The following NFATC1 variants were observed in gnomAD, a reference collection of about 807,000 sequenced individuals.
NFATC1 encodes the protein nuclear factor of activated T cells 1.
In NFATC1, 22 loss-of-function variants were observed where a neutral mutation model predicts 76.0. The ratio of observed to expected loss-of-function variants is 0.29; its 90% CI spans 0.21 to 0.41. The LOEUF is 0.41. Ranked by LOEUF, NFATC1 falls within the 10% of genes least tolerant of loss-of-function variation. NFATC1 has a pLI of 1.00. For missense variants in NFATC1, 1,357 were observed against 1,337.7 expected (o/e 1.01, Z -0.23); for synonymous variants, 704 against 613.1 (o/e 1.15, Z -2.19).
chr18:79,526,545 C>T (rs1266590708), intron 9 of NFATC1, among the ~76,000 whole-genome samples: 1 of 152,216 alleles, frequency 6.6e-6, no homozygotes, highest in East Asian at 1.9e-4. Context: ...TTGCCTGGGT[C>T]TCTGGCCCCG....
At chr18:79,466,409 G>T (rs1181573914) in intron 7 of NFATC1, among the ~76,000 whole-genome samples, 1 of 152,122 alleles carries the variant, frequency 6.6e-6, no homozygotes, top group Non-Finnish European at 1.5e-5. Context: ...CCTCGGCAGG[G>T]ATGCCTGCAT....
At chr18:79,443,466 G>A (rs1244394990) in intron 3 of NFATC1, among the ~76,000 whole-genome samples, 4 of 152,212 alleles carry the variant, frequency 2.6e-5, no homozygotes, top group Admixed American at 6.5e-5. Context: ...GCATGGACAC[G>A]TCGTCCTGTT....
chr18:79,474,477 G>T (rs1340624053), intron 8 of NFATC1, among the ~76,000 whole-genome samples: 1 of 150,064 alleles, frequency 6.7e-6, no homozygotes, highest in African/African-American at 2.5e-5. Flanking sequence ...AAACCTGAGG[G>T]AAGCGTGTTC....
Position 79,411,390 on chromosome 18 carries a change from C to T in NFATC1, c.1115C>T (p.Ser372Phe), listed in dbSNP as rs141310123. 1.9e-6 allele frequency: 3 copies of T among 1,577,722 alleles called. No individual in the cohort carries two copies. Among genetic ancestry groups the T allele is most frequent in the Admixed American group, 1.8e-5 (1 of 55,300 alleles). The change falls in exon 2 of 10, where the codon TCC becomes TTC. Residue 372 changes from serine (S) to phenylalanine (F), a missense_variant. Coordinates refer to ENST00000427363, the MANE Select transcript of NFATC1 (RefSeq NM_001278669.2). ...GCCGACTTCGCGCCCGAAGACTACT[C>T]CTCTTTCCAGCACATCAGGAAGGGC... ...PPADFAPEDY[S>F]SFQHIRKGGF...
chr18:79,398,066 G>A (rs1181455087), intron 1 of NFATC1, among the ~76,000 whole-genome samples: 1 of 151,972 alleles, frequency 6.6e-6, no homozygotes, highest in Non-Finnish European at 1.5e-5. Flanking sequence ...TTCTGAGTAG[G>A]CCCCACGAGG....
intron 1 of NFATC1, among the ~76,000 whole-genome samples, chr18:79,408,456 T>A (rs1317011629): frequency 5.3e-5 from 8 of 152,328 alleles, no homozygotes; most frequent in East Asian, 1.9e-4. Context: ...ATAATGATTT[T>A]AAAAAATATT....
At chr18:79,498,341 T>A (rs2089942663) in intron 9 of NFATC1, 1 of 141,414 alleles carries the variant, frequency 7.1e-6, no homozygotes. Flanking sequence ...ATATCCATAA[T>A]GAGATTTTTA....
intron 6 of NFATC1, among the ~76,000 whole-genome samples, chr18:79,457,482 C>T (rs1294884297): frequency 6.6e-6 from 1 of 152,200 alleles, no homozygotes; most frequent in African/African-American, 2.4e-5. Flanking sequence ...CCCTCCTCTC[C>T]CTTCTCAGGC....
rs112150689 is a variant in NFATC1 at position 79,487,711 on chromosome 18, G to A, written c.2782+774G>A. 1.0e-4 allele frequency among the ~76,000 whole-genome samples: 16 copies of A among 152,386 alleles called. 1 individual carries two copies. Among genetic ancestry groups the A allele is most frequent in the Middle Eastern group, 6.8e-3 (2 of 294 alleles). ...CTGTTTACACTTTAAGGCGCAGCCCGACTTGCTTGCAGTCGCGCTGTGATC... is the reference window on the plus strand; with the variant it reads ...CTGTTTACACTTTAAGGCGCAGCCCAACTTGCTTGCAGTCGCGCTGTGATC... On this transcript the variant is annotated intron_variant, in intron 9 of 9. Coordinates refer to ENST00000427363, the MANE Select transcript of NFATC1 (RefSeq NM_001278669.2).
In NFATC1 at chr18:79,426,059, A is replaced by G. The variant is rs75956686; in HGVS notation, c.1227-7520A>G. On this transcript the variant is annotated intron_variant, in intron 2 of 9. Transcript: ENST00000427363. ...AGACCCCATCTCTACACAAAATATA[A>G]CAATTAGCCAGGTGTGGTGGTGCGC... Among the ~76,000 whole-genome samples, 280 of 152,118 alleles carry G rather than the reference A, an allele frequency of 1.8e-3. 7 individuals carry two copies. The East Asian group carries it at 0.045, about 24-fold the overall frequency.
Position 79,503,569 on chromosome 18 carries a change from G to A in NFATC1, c.2782+16632G>A, listed in dbSNP as rs780277794. On this transcript the variant is annotated intron_variant, in intron 9 of 9. Transcript: ENST00000427363. ...CGGGCTTTGTCGCTCCATGGGTGGC[G>A]CACAGGCAGAGGAGATTCCGCGTCA... Among the ~76,000 whole-genome samples, 5 of 152,154 alleles carry A rather than the reference G, an allele frequency of 3.3e-5. No homozygotes were observed. The South Asian group carries it at 6.2e-4, about 19-fold the overall frequency.
Position 79,528,064 on chromosome 18 carries a change from G to T in NFATC1, c.*487G>T, listed in dbSNP as rs772560283. 2.5e-6 allele frequency: 1 copy of T among 403,392 alleles called. No individual in the cohort carries two copies. Among genetic ancestry groups the T allele is most frequent in the Non-Finnish European group, 4.4e-6 (1 of 229,158 alleles). 25.0% of individuals were successfully genotyped at this position (403,392 alleles called of 1,614,324 possible). On this transcript the variant is annotated 3_prime_UTR_variant, in exon 10 of 10. Coordinates refer to ENST00000427363, the MANE Select transcript of NFATC1 (RefSeq NM_001278669.2). ...TACCCTCTGTATGAATGAAGAGAAC[G>T]CTGGAAGGCTGCGAGAGGACTCTAG...
intron 3 of NFATC1, among the ~76,000 whole-genome samples, chr18:79,444,949 GC>G (rs909443339): frequency 6.6e-6 from 1 of 152,190 alleles, no homozygotes; most frequent in African/African-American, 2.4e-5. Flanking sequence ...AGAGCCCGAA[GC>G]CCCGGCAAGC....
chr18:79,504,188 T>TGGACTGGCGCGGGAGGCTGAGCTGTC (rs1252299510), intron 9 of NFATC1, among the ~76,000 whole-genome samples: 6 of 150,020 alleles, frequency 4.0e-5, no homozygotes, highest in Non-Finnish European at 7.5e-5. Flanking sequence ...CATTCACAGT[T>TGGACTGGCGCGGGAGGCTGAGCTGTC]GGACTGGCGC....
chr18:79,433,693 C>T lies in NFATC1; in HGVS notation c.1341C>T (p.Ser447=), dbSNP rs1201236643. The T allele has an allele frequency of 6.2e-7, 1 of 1,613,200 alleles. No individual in the cohort carries two copies. The highest frequency in any genetic ancestry group is 8.5e-7 in the Non-Finnish European group (1 of 1,179,934). Residue 447 remains serine (S), a synonymous_variant, in exon 3 of 10, where the codon AGC becomes AGT. Transcript: ENST00000427363. Reference sequence around the variant, plus strand: ...GAGCCCACTACGAGACGGAGGGCAGCCGGGGGGCCGTGAAGGCGTCGGCCG... The same window carrying T: ...GAGCCCACTACGAGACGGAGGGCAGTCGGGGGGCCGTGAAGGCGTCGGCCG... ...HHRAHYETEG[S]RGAVKASAGG... is the part of the protein sequence containing the mutation.
Position 79,454,906 on chromosome 18 carries a change from C to T in NFATC1, c.1903+3090C>T, listed in dbSNP as rs117974339. Among the ~76,000 whole-genome samples the T allele has an allele frequency of 9.1e-3, 1,385 of 152,282 alleles. 10 individuals carry two copies. The highest frequency in any genetic ancestry group is 0.014 in the Non-Finnish European group (929 of 68,034). ...CCCACCTTCACACCTGCACCCCTCCCGCCTGTTAAAGATCACTGTGTCTGT... is the reference window on the plus strand; with the variant it reads ...CCCACCTTCACACCTGCACCCCTCCTGCCTGTTAAAGATCACTGTGTCTGT... On this transcript the variant is annotated intron_variant, in intron 6 of 9. Coordinates refer to ENST00000427363, the MANE Select transcript of NFATC1 (RefSeq NM_001278669.2).
chr18:79,508,938 T>A (rs1301735768), intron 9 of NFATC1, among the ~76,000 whole-genome samples: 1 of 150,320 alleles, frequency 6.7e-6, no homozygotes, highest in Non-Finnish European at 1.5e-5. Context: ...CTTTTGTTGC[T>A]GTGTTCACTG....
chr18:79,505,646 C>T (rs2923011), intron 9 of NFATC1, among the ~76,000 whole-genome samples: 20 of 79,528 alleles, frequency 2.5e-4, no homozygotes, highest in African/African-American at 4.0e-4. Context: ...AGGTGGTGGA[C>T]GAGACCCTTG....
intron 2 of NFATC1, among the ~76,000 whole-genome samples, chr18:79,412,906 A>C (rs773321981): frequency 6.6e-6 from 1 of 152,180 alleles, no homozygotes; most frequent in Non-Finnish European, 1.5e-5. Flanking sequence ...TAATACATTA[A>C]GGTTTAAAAG....
Sources: allele counts gnomAD v4.1 joint callset (sites outside exome capture counted in the v4.1 genomes callset), GRCh38; gene constraint gnomAD v4.1.1; transcripts MANE v1.5; gene names NCBI Gene and HGNC (gene_info 2026-07-23, HGNC 2026-07-21).